The following CRACD variants were observed in gnomAD, a reference collection of about 807,000 sequenced individuals.
The protein encoded by CRACD is capping protein inhibiting regulator of actin dynamics.
Under a neutral mutation model 106.8 loss-of-function variants are expected in CRACD, and 56 were observed. The observed-to-expected ratio is 0.52, with a 90% CI of 0.42 to 0.66. CRACD has a LOEUF of 0.66. Ranked by LOEUF, CRACD falls within the 30% of genes least tolerant of loss-of-function variation. The probability of loss-of-function intolerance (pLI) is 0.00; values close to 1 mark genes in which losing one functional copy is unlikely to be tolerated. For missense variants in CRACD, 1,730 were observed against 1,623.2 expected, an observed-to-expected ratio of 1.07 and a Z score of -1.13; for synonymous variants, 754 against 670.8, an observed-to-expected ratio of 1.12 and a Z score of -1.92.
chr4:56,265,684 T>C (rs1741979246), intron 2 of CRACD, among the ~76,000 whole-genome samples: 1 of 152,164 alleles, frequency 6.6e-6, no homozygotes, highest in South Asian at 2.1e-4. Flanking sequence ...GGTCCCATAG[T>C]AAACAAACAG....
chr4:56,094,447 C>CG (rs1733527088), intron 1 of CRACD, among the ~76,000 whole-genome samples: 1 of 117,518 alleles, frequency 8.5e-6, no homozygotes, highest in African/African-American at 3.3e-5. Flanking sequence ...TTTTTTGAGA[C>CG]GGAGTCTCAC....
chr4:56,130,233 C>T (rs1206322425), intron 1 of CRACD, among the ~76,000 whole-genome samples: 1 of 152,126 alleles, frequency 6.6e-6, no homozygotes, highest in African/African-American at 2.4e-5. Context: ...AACTGTACTT[C>T]AGCCTGGGTG....
intron 2 of CRACD, among the ~76,000 whole-genome samples, chr4:56,228,630 A>T (rs1739445637): frequency 1.4e-5 from 2 of 147,906 alleles, no homozygotes; most frequent in Non-Finnish European, 3.0e-5. Context: ...AAAAAAAAGA[A>T]TTCCAGGTGA....
At chr4:56,244,181 G>A (rs1740539234) in intron 2 of CRACD, among the ~76,000 whole-genome samples, 1 of 152,054 alleles carries the variant, frequency 6.6e-6, no homozygotes. Flanking sequence ...GTGAAACAGG[G>A]AGTAGCCCTG....
At chr4:56,226,937 C>T (rs528013746) in intron 2 of CRACD, among the ~76,000 whole-genome samples, 1 of 151,750 alleles carries the variant, frequency 6.6e-6, no homozygotes, top group South Asian at 2.1e-4. Flanking sequence ...GCCATGTGAT[C>T]ACCACACTTA....
At chr4:56,075,136 C>A (rs1402128534) in intron 1 of CRACD, among the ~76,000 whole-genome samples, 1 of 152,016 alleles carries the variant, frequency 6.6e-6, no homozygotes, top group Non-Finnish European at 1.5e-5. Flanking sequence ...GGGATATTGG[C>A]CTGAAATTTT....
At chr4:56,127,392 C>G (rs1287299123) in intron 1 of CRACD, among the ~76,000 whole-genome samples, 10 of 152,082 alleles carry the variant, frequency 6.6e-5, no homozygotes, top group Non-Finnish European at 4.4e-5. Context: ...GAAAGAATAG[C>G]CTGTAGAGGA....
At chr4:56,067,738 G>A (rs949294802) in intron 1 of CRACD, among the ~76,000 whole-genome samples, 2 of 152,098 alleles carry the variant, frequency 1.3e-5, no homozygotes, top group South Asian at 4.2e-4. Context: ...ACCATGTCCA[G>A]CTAATTTTTG....
chr4:56,223,828 A>G (rs1207042230), intron 2 of CRACD, among the ~76,000 whole-genome samples: 1 of 152,210 alleles, frequency 6.6e-6, no homozygotes, highest in African/African-American at 2.4e-5. Flanking sequence ...ACGCAGTCTC[A>G]GCTCACTGCA....
intron 3 of CRACD, among the ~76,000 whole-genome samples, chr4:56,296,610 C>T (rs891695375): frequency 6.6e-6 from 1 of 152,194 alleles, no homozygotes; most frequent in African/African-American, 2.4e-5. Context: ...ACACCTGCCC[C>T]CAACGCTGGC....
At position 56,101,213 on chromosome 4, in the gene CRACD, T is replaced by A. The variant is rs376979320; in HGVS notation, c.-336+51914T>A. 2.6e-5 allele frequency among the ~76,000 whole-genome samples: 4 copies of A among 152,302 alleles called. No individual in the cohort carries two copies. The South Asian group carries it at 8.3e-4, about 32-fold the overall frequency. ...TTAGGCTCTGTTGTTTTGGCAAAAT[T>A]GACTTAGGAAAACAACCTGATTTTC... On this transcript the variant is annotated intron_variant, in intron 1 of 10. Transcript: ENST00000682029.
At chr4:56,318,484 C>A (rs1016098102) in intron 8 of CRACD, among the ~76,000 whole-genome samples, 30 of 152,312 alleles carry the variant, frequency 2.0e-4, no homozygotes, top group African/African-American at 6.5e-4. Context: ...CTCACAGCCT[C>A]GTCTGCTATG....
At chr4:56,106,768 A>G (rs1733959912) in intron 1 of CRACD, among the ~76,000 whole-genome samples, 1 of 152,220 alleles carries the variant, frequency 6.6e-6, no homozygotes, top group African/African-American at 2.4e-5. Flanking sequence ...TTTAATGAAC[A>G]CCATTGAGCT....
chr4:56,080,770 A>G (rs1260893677), intron 1 of CRACD, among the ~76,000 whole-genome samples: 1 of 152,260 alleles, frequency 6.6e-6, no homozygotes, highest in East Asian at 1.9e-4. Context: ...TTCAGTGGCA[A>G]AGCAAGGTGA....
chr4:56,243,697 T>C (rs910899692), intron 2 of CRACD, among the ~76,000 whole-genome samples: 1 of 152,168 alleles, frequency 6.6e-6, no homozygotes, highest in African/African-American at 2.4e-5. Context: ...TGTTTTGACA[T>C]GGGTGTGCAA....
chr4:56,095,115 G>T (rs576639593), intron 1 of CRACD, among the ~76,000 whole-genome samples: 2 of 152,232 alleles, frequency 1.3e-5, no homozygotes, highest in African/African-American at 4.8e-5. Flanking sequence ...ACTTTGGGAG[G>T]CCAGGGTAAG....
chr4:56,328,379 C>T lies in CRACD; in HGVS notation c.*575C>T, dbSNP rs370097464. 116 of 518,760 alleles carry T rather than the reference C, an allele frequency of 2.2e-4. No homozygotes were observed. The highest frequency in any genetic ancestry group is 4.2e-4 in the Non-Finnish European group (110 of 259,820). The allele number at this position is 518,760 out of a possible 1,614,324, so 32.1% of individuals were successfully genotyped here. ...CCCATCTTAGTTTTCATGAGTTTTC[C>T]CCACTCTGAAGCTGTAACCCAGAAG... On this transcript the variant is annotated 3_prime_UTR_variant, in exon 11 of 11. Transcript: ENST00000682029.
At chr4:56,083,746 C>T (rs62308625) in intron 1 of CRACD, among the ~76,000 whole-genome samples, 6,187 of 152,064 alleles carry the variant, frequency 0.041, 177 homozygotes, top group Non-Finnish European at 0.061. Context: ...AGGGTTGAGG[C>T]AGGTAGATCA....
At chr4:56,212,269 A>G (rs574965715) in intron 2 of CRACD, among the ~76,000 whole-genome samples, 6 of 152,346 alleles carry the variant, frequency 3.9e-5, no homozygotes, top group South Asian at 2.1e-4. Context: ...GTTACCTTAT[A>G]TAGTCTAAAA....
Sources: gnomAD v4.1 joint callset for allele counts (sites outside exome capture counted in the v4.1 genomes callset) on GRCh38, gnomAD v4.1.1 for gene constraint, MANE v1.5 for transcripts, NCBI Gene and HGNC (gene_info 2026-07-23, HGNC 2026-07-21) for gene names.